VTI1A: variants seen among roughly 807,000 people sequenced by gnomAD.
The protein encoded by VTI1A is vesicle transport through interaction with t-SNAREs 1A.
VTI1A carries 22 observed loss-of-function variants against 34.9 expected under a neutral mutation model. That is an observed-to-expected ratio of 0.63 (90% confidence interval 0.45 to 0.90). The LOEUF (loss-of-function observed/expected upper bound fraction) is 0.90, where lower values mean the gene tolerates loss of function less well. Ranked by LOEUF, VTI1A falls within the 40% of genes least tolerant of loss-of-function variation. The probability of loss-of-function intolerance (pLI) is 0.00; values close to 1 mark genes in which losing one functional copy is unlikely to be tolerated. For missense variants in VTI1A, 268 were observed against 275.6 expected (o/e 0.97, Z 0.20); for synonymous variants, 87 against 97.3 (o/e 0.89, Z 0.62).
chr10:112,848,650 AT>A, the VTI1A span, among the ~76,000 whole-genome samples: 2 of 152,196 alleles, frequency 1.3e-5, no homozygotes, highest in African/African-American at 4.8e-5. Context: ...AAACAATTCA[AT>A]TATTCAGTCC....
the VTI1A span, among the ~76,000 whole-genome samples, chr10:112,848,109 A>G: frequency 1.3e-5 from 2 of 152,242 alleles, no homozygotes; most frequent in Non-Finnish European, 1.5e-5. Context: ...CACAACCGCC[A>G]TCATGAGACT....
At chr10:112,518,571 CTCTCTCTCTCTCTCTCTCTA>C (rs1197538175) in intron 3 of VTI1A, among the ~76,000 whole-genome samples, 16 of 121,800 alleles carry the variant, frequency 1.3e-4, no homozygotes, top group African/African-American at 4.2e-4. Context: ...CTCTCTCTCT[CTCTCTCTCTCTCTCTCTCTA>C]TATATATATA....
At chr10:112,489,575 G>T (rs1848753526) in intron 3 of VTI1A, among the ~76,000 whole-genome samples, 1 of 152,144 alleles carries the variant, frequency 6.6e-6, no homozygotes, top group South Asian at 2.1e-4. Flanking sequence ...ACTAAAAAAG[G>T]TTCTGGTTAA....
At chr10:112,557,740 T>C (rs1014665179) in intron 5 of VTI1A, among the ~76,000 whole-genome samples, 1 of 152,190 alleles carries the variant, frequency 6.6e-6, no homozygotes, top group African/African-American at 2.4e-5. Flanking sequence ...CTTTCTCCAG[T>C]GAGCCCATCT....
intron 3 of VTI1A, among the ~76,000 whole-genome samples, chr10:112,486,603 T>A (rs550183571): frequency 7.5e-6 from 1 of 132,638 alleles, no homozygotes; most frequent in African/African-American, 3.4e-5. Flanking sequence ...GATATTAAGA[T>A]TTTTTAGTCA....
At chr10:112,754,200 T>C (rs1851200942) in intron 7 of VTI1A, among the ~76,000 whole-genome samples, 1 of 152,222 alleles carries the variant, frequency 6.6e-6, no homozygotes, top group South Asian at 2.1e-4. Context: ...CAGGAAGTTA[T>C]GAAATCTCCT....
chr10:112,737,735 T>C lies in VTI1A; in HGVS notation c.560+68737T>C, dbSNP rs1850544142. ...ACAGTGATCTGGAAAATTAAAGCTC[T>C]CTGGCCGCCTTTCCTCTCAGGACAT... On this transcript the variant is annotated intron_variant, in intron 7 of 7. Coordinates refer to ENST00000393077, the MANE Select transcript of VTI1A (RefSeq NM_145206.4). The C allele has an allele frequency of 1.8e-5, 19 of 1,059,136 alleles. No individual in the cohort carries two copies. In the Middle Eastern group the frequency reaches 1.3e-3, roughly 70 times the overall value. The allele number at this position is 1,059,136 out of a possible 1,614,324, so 65.6% of individuals were successfully genotyped here.
At chr10:112,723,090 A>G (rs1849868989) in intron 7 of VTI1A, among the ~76,000 whole-genome samples, 2 of 152,214 alleles carry the variant, frequency 1.3e-5, no homozygotes, top group South Asian at 2.1e-4. Flanking sequence ...AAATCAAGAT[A>G]ATAATAGTAG....
chr10:112,838,887 G>A, the VTI1A span, among the ~76,000 whole-genome samples: 3 of 152,250 alleles, frequency 2.0e-5, no homozygotes, highest in African/African-American at 7.2e-5. Context: ...CGATGTGGAT[G>A]ATGGTGATAC....
At chr10:112,589,876 A>C (rs1233239102) in intron 5 of VTI1A, among the ~76,000 whole-genome samples, 1 of 152,210 alleles carries the variant, frequency 6.6e-6, no homozygotes, top group Non-Finnish European at 1.5e-5. Context: ...AAGAGAGAAT[A>C]TTTTATGTTA....
chr10:112,580,388 G>A (rs189151677), intron 5 of VTI1A, among the ~76,000 whole-genome samples: 44 of 152,314 alleles, frequency 2.9e-4, no homozygotes, highest in African/African-American at 9.1e-4. Context: ...AAGAAGATGG[G>A]AAAGGCTGAG....
intron 7 of VTI1A, among the ~76,000 whole-genome samples, chr10:112,702,801 G>C (rs1488880441): frequency 2.0e-5 from 3 of 152,188 alleles, no homozygotes; most frequent in African/African-American, 7.2e-5. Flanking sequence ...GGCCAGGCTG[G>C]TGTTGAACTC....
intron 5 of VTI1A, among the ~76,000 whole-genome samples, chr10:112,627,389 A>G (rs1047606371): frequency 3.3e-5 from 5 of 152,216 alleles, no homozygotes; most frequent in African/African-American, 1.2e-4. Flanking sequence ...AGCAAACCCT[A>G]GTCCTTATAT....
At chr10:112,462,379 C>T (rs1483518793) in intron 2 of VTI1A, among the ~76,000 whole-genome samples, 1 of 152,136 alleles carries the variant, frequency 6.6e-6, no homozygotes, top group Non-Finnish European at 1.5e-5. Context: ...TTGTGTGTTT[C>T]CTTTTTCTGT....
rs1853539877 is a variant in VTI1A at position 112,816,937 on chromosome 10, G to A, written c.*1554G>A. 4.3e-6 allele frequency: 1 copy of A among 231,112 alleles called. No homozygotes were observed. Among genetic ancestry groups the A allele is most frequent in the Non-Finnish European group, 8.6e-6 (1 of 116,814 alleles). 14.3% of individuals were successfully genotyped at this position (231,112 alleles called of 1,614,324 possible). ...TGCATGTGTTCGGATAAATCATTTA[G>A]TATTGTGTAAATAAAGCTGCAGCCT... On this transcript the variant is annotated 3_prime_UTR_variant, in exon 8 of 8. Coordinates refer to ENST00000393077, the MANE Select transcript of VTI1A (RefSeq NM_145206.4).
chr10:112,572,955 G>A (rs1564832390), intron 5 of VTI1A, among the ~76,000 whole-genome samples: 1 of 151,756 alleles, frequency 6.6e-6, no homozygotes, highest in Non-Finnish European at 1.5e-5. Flanking sequence ...ATTGCTGCTT[G>A]AAGTTAAATC....
the VTI1A span, among the ~76,000 whole-genome samples, chr10:112,842,056 T>TTTTTTTC: frequency 8.2e-6 from 1 of 121,320 alleles, no homozygotes; most frequent in African/African-American, 3.3e-5. Flanking sequence ...TTTTCCTTTT[T>TTTTTTTC]TTTTTTTTTT....
intron 7 of VTI1A, among the ~76,000 whole-genome samples, chr10:112,693,183 A>T (rs904324004): frequency 2.7e-4 from 41 of 152,188 alleles, no homozygotes; most frequent in Non-Finnish European, 1.5e-5. Context: ...AGTAACTGTT[A>T]TTTATTTAGT....
the VTI1A span, chr10:112,826,825 A>G: frequency 3.9e-5 from 6 of 152,210 alleles, no homozygotes; most frequent in East Asian, 1.2e-3. Context: ...TGAGGATGCA[A>G]CTGCCCAAAA....
Sources: allele counts gnomAD v4.1 joint callset (sites outside exome capture counted in the v4.1 genomes callset), GRCh38; gene constraint gnomAD v4.1.1; transcripts MANE v1.5; gene names NCBI Gene and HGNC (gene_info 2026-07-23, HGNC 2026-07-21).